Variants in CEP112 observed in about 807,000 individuals in gnomAD.
CEP112 encodes the protein centrosomal protein 112.
CEP112 carries 127 observed loss-of-function variants against 153.0 expected under a neutral mutation model. The ratio of observed to expected loss-of-function variants is 0.83; its 90% CI spans 0.72 to 0.96. The LOEUF is 0.96. Ranked by LOEUF, CEP112 falls within the 40% of genes least tolerant of loss-of-function variation. The probability of loss-of-function intolerance (pLI) is 0.00; values close to 1 mark genes in which losing one functional copy is unlikely to be tolerated. For synonymous variants in CEP112, 358 were observed against 374.4 expected (o/e 0.96, Z 0.51); for missense variants, 1,089 against 1,101.2 (o/e 0.99, Z 0.16).
chr17:65,772,575 TACACACACAC>T (rs34758953), intron 21 of CEP112, among the ~76,000 whole-genome samples: 39,025 of 133,268 alleles, frequency 0.29, 6,501 homozygotes, highest in Middle Eastern at 0.39. Flanking sequence ...CTCTATTTAT[TACACACACAC>T]ACACACACAC....
chr17:65,713,747 T>C (rs1477684479), intron 23 of CEP112, among the ~76,000 whole-genome samples: 1 of 152,068 alleles, frequency 6.6e-6, no homozygotes, highest in Non-Finnish European at 1.5e-5. Context: ...CCACCACGCC[T>C]GGCTAATTTT....
intron 18 of CEP112, among the ~76,000 whole-genome samples, chr17:65,937,015 G>A (rs566522937): frequency 0.058 from 8,582 of 148,054 alleles, 386 homozygotes; most frequent in African/African-American, 0.11. Context: ...ATGGGGTTTC[G>A]CTGTGTTGGC....
At chr17:66,158,652 A>G (rs1329692995) in intron 4 of CEP112, among the ~76,000 whole-genome samples, 1 of 152,196 alleles carries the variant, frequency 6.6e-6, no homozygotes, top group Non-Finnish European at 1.5e-5. Context: ...TTTGAAACCA[A>G]TGAGAACAAA....
intron 24 of CEP112, among the ~76,000 whole-genome samples, chr17:65,682,373 T>C (rs1478454136): frequency 6.6e-6 from 1 of 150,392 alleles, no homozygotes; most frequent in African/African-American, 2.4e-5. Context: ...AAGCCTTCCG[T>C]ATTTCTCTTG....
intron 23 of CEP112, among the ~76,000 whole-genome samples, chr17:65,705,947 TAC>T: frequency 6.6e-6 from 1 of 152,236 alleles, no homozygotes; most frequent in Non-Finnish European, 1.5e-5. Flanking sequence ...CATTCTGAAA[TAC>T]ACAGTGTAAA....
intron 8 of CEP112, among the ~76,000 whole-genome samples, chr17:66,094,435 A>G (rs2068259198): frequency 6.6e-6 from 1 of 152,158 alleles, no homozygotes; most frequent in Non-Finnish European, 1.5e-5. Context: ...TGATGCTTGG[A>G]AAACTGGATA....
intron 21 of CEP112, among the ~76,000 whole-genome samples, chr17:65,774,714 G>A (rs545646956): frequency 3.0e-4 from 45 of 152,180 alleles, no homozygotes; most frequent in Non-Finnish European, 4.0e-4. Context: ...GGGCTTACAT[G>A]CCATCCTGGA....
chr17:65,881,115 T>A (rs2059053023), intron 20 of CEP112, among the ~76,000 whole-genome samples: 1 of 152,108 alleles, frequency 6.6e-6, no homozygotes, highest in Non-Finnish European at 1.5e-5. Flanking sequence ...CTCGGGAGGC[T>A]GAGGCAGGAG....
intron 22 of CEP112, among the ~76,000 whole-genome samples, chr17:65,749,483 G>C (rs2051685357): frequency 6.6e-6 from 1 of 151,968 alleles, no homozygotes; most frequent in South Asian, 2.1e-4. Flanking sequence ...ACTCCAGCCT[G>C]GGCAACAGAG....
intron 24 of CEP112, among the ~76,000 whole-genome samples, chr17:65,666,782 AAAAC>A (rs1223538441): frequency 6.6e-6 from 1 of 152,210 alleles, no homozygotes; most frequent in Non-Finnish European, 1.5e-5. Flanking sequence ...AAAGAAAAAA[AAAAC>A]ACTTCACTTT....
chr17:66,161,850 A>C (rs997946092), intron 4 of CEP112, among the ~76,000 whole-genome samples: 6 of 151,844 alleles, frequency 4.0e-5, no homozygotes, highest in Admixed American at 3.9e-4. Flanking sequence ...GAATAAAAAA[A>C]CTCTGCACGA....
chr17:65,853,943 T>C (rs767560312), intron 20 of CEP112, among the ~76,000 whole-genome samples: 13 of 152,214 alleles, frequency 8.5e-5, no homozygotes, highest in Non-Finnish European at 1.8e-4. Context: ...AAAAGCTTCA[T>C]GTATGATTGC....
At chr17:66,145,011 C>T (rs1384293588) in intron 4 of CEP112, among the ~76,000 whole-genome samples, 2 of 152,212 alleles carry the variant, frequency 1.3e-5, no homozygotes, top group Non-Finnish European at 2.9e-5. Context: ...CTTTCAGCTT[C>T]ATCACCTCAC....
At chr17:65,819,534 C>T (rs905801092) in intron 21 of CEP112, among the ~76,000 whole-genome samples, 3 of 151,930 alleles carry the variant, frequency 2.0e-5, no homozygotes, top group African/African-American at 7.2e-5. Context: ...TATTTTACCT[C>T]TTAGAAATGA....
chr17:66,078,106 C>A (rs913880698), intron 8 of CEP112, among the ~76,000 whole-genome samples: 1 of 152,180 alleles, frequency 6.6e-6, no homozygotes, highest in African/African-American at 2.4e-5. Flanking sequence ...ATTATCACAG[C>A]ACCATTTGTT....
chr17:65,724,990 A>T (rs924517176), intron 23 of CEP112, among the ~76,000 whole-genome samples: 1 of 151,634 alleles, frequency 6.6e-6, no homozygotes, highest in African/African-American at 2.4e-5. Flanking sequence ...TGCCCCAAAT[A>T]CCTCCTCCTA....
chr17:65,882,387 G>A (rs1273215794), intron 20 of CEP112, among the ~76,000 whole-genome samples: 3 of 152,336 alleles, frequency 2.0e-5, no homozygotes, highest in African/African-American at 7.2e-5. Context: ...CGTAGTACAT[G>A]TTGGGCAAAT....
chr17:66,119,349 A>C (rs890659617), intron 6 of CEP112, among the ~76,000 whole-genome samples: 5 of 152,224 alleles, frequency 3.3e-5, no homozygotes, highest in African/African-American at 1.2e-4. Flanking sequence ...AAAAATAATA[A>C]AATAAAAATC....
At chr17:65,977,595 T>C (rs1328664780) in intron 17 of CEP112, among the ~76,000 whole-genome samples, 2 of 152,006 alleles carry the variant, frequency 1.3e-5, no homozygotes, top group East Asian at 3.9e-4. Flanking sequence ...GAGAACATGG[T>C]GGGCAGCAGT....
Sources: gnomAD v4.1 joint callset for allele counts (sites outside exome capture counted in the v4.1 genomes callset) on GRCh38, gnomAD v4.1.1 for gene constraint, MANE v1.5 for transcripts, NCBI Gene and HGNC (gene_info 2026-07-23, HGNC 2026-07-21) for gene names.